PLXNC1: variants seen among roughly 807,000 people sequenced by gnomAD.
PLXNC1 encodes plexin C1.
PLXNC1 carries 75 observed loss-of-function variants against 178.2 expected under a neutral mutation model. The observed-to-expected ratio is 0.42, with a 90% CI of 0.35 to 0.51. The LOEUF is 0.51. PLXNC1 is among the 20% of genes least tolerant of loss of function. The pLI, the probability that PLXNC1 is intolerant of heterozygous loss-of-function variation, is 0.02. For synonymous variants in PLXNC1, 790 were observed against 779.9 expected (o/e 1.01, Z -0.22); for missense variants, 1,503 against 1,984.4 (o/e 0.76, Z 4.61).
At chr12:94,294,141 G>C (rs1042381126) in intron 23 of PLXNC1, among the ~76,000 whole-genome samples, 1 of 152,128 alleles carries the variant, frequency 6.6e-6, no homozygotes, top group Admixed American at 6.5e-5. Flanking sequence ...CTGCGAATTG[G>C]GGGGAATGTC....
intron 9 of PLXNC1, among the ~76,000 whole-genome samples, chr12:94,234,653 A>G (rs1446703653): frequency 6.6e-6 from 1 of 152,212 alleles, no homozygotes; most frequent in Non-Finnish European, 1.5e-5. Flanking sequence ...ATACATAGAA[A>G]TCCTTGGACA....
At chr12:94,153,864 CAT>C (rs1396485003) in intron 1 of PLXNC1, among the ~76,000 whole-genome samples, 1 of 152,232 alleles carries the variant, frequency 6.6e-6, no homozygotes. Flanking sequence ...ACCCAAGGAA[CAT>C]GTGTGGAGAA....
At chr12:94,169,969 T>TA (rs1961778725) in intron 2 of PLXNC1, among the ~76,000 whole-genome samples, 1 of 152,218 alleles carries the variant, frequency 6.6e-6, no homozygotes, top group African/African-American at 2.4e-5. Context: ...AAATGACTTG[T>TA]CTGAAGTTAT....
At chr12:94,224,170 C>T in intron 6 of PLXNC1, 58 bp from the exon 7 acceptor site, 1 of 979,748 alleles carries the variant, frequency 1.0e-6, no homozygotes, top group South Asian at 1.3e-5. Flanking sequence ...GCATTTACAG[C>T]TATGCTTGAC....
chr12:94,191,167 G>A (rs1449369761), intron 4 of PLXNC1, among the ~76,000 whole-genome samples: 3 of 152,168 alleles, frequency 2.0e-5, no homozygotes, highest in South Asian at 2.1e-4. Context: ...GTCATGGAGC[G>A]ATGGCCCTTC....
At chr12:94,262,207 T>C (rs1304278904) in intron 20 of PLXNC1, among the ~76,000 whole-genome samples, 3 of 152,090 alleles carry the variant, frequency 2.0e-5, no homozygotes, top group Non-Finnish European at 4.4e-5. Context: ...CCTGGGATAG[T>C]AGAGAGAGCA....
At chr12:94,284,806 G>A (rs1293559823) in intron 23 of PLXNC1, among the ~76,000 whole-genome samples, 1 of 152,174 alleles carries the variant, frequency 6.6e-6, no homozygotes, top group Non-Finnish European at 1.5e-5. Context: ...GATGGGGGCA[G>A]CCTCTTCAGG....
chr12:94,305,470 T>A lies in PLXNC1; in HGVS notation c.*185T>A. The stretch of plus-strand genomic sequence containing the variant: ...AAGCATACCAACCCTTGTGCCTGTG[T>A]GTATACCGTGGGAACCCTTCTGTAA... On this transcript the variant is annotated 3_prime_UTR_variant, in exon 31 of 31. Transcript: ENST00000258526. 1 of 550,770 alleles carries A rather than the reference T, an allele frequency of 1.8e-6. No homozygotes were observed. Among genetic ancestry groups the A allele is most frequent in the East Asian group, 2.9e-5 (1 of 33,926 alleles). 34.1% of individuals were successfully genotyped at this position (550,770 alleles called of 1,614,324 possible). A position where few individuals can be genotyped will look rare whatever the true frequency, so the allele number is the denominator to read the frequency against.
At chr12:94,285,349 G>A (rs1170452138) in intron 23 of PLXNC1, among the ~76,000 whole-genome samples, 1 of 152,240 alleles carries the variant, frequency 6.6e-6, no homozygotes, top group African/African-American at 2.4e-5. Flanking sequence ...GCCAGGGACA[G>A]AGAACACCCA....
intron 5 of PLXNC1, among the ~76,000 whole-genome samples, chr12:94,217,453 C>A (rs1157484731): frequency 6.6e-6 from 1 of 152,198 alleles, no homozygotes. Flanking sequence ...TTATCCCCAC[C>A]CCAGATTGAT....
intron 21 of PLXNC1, among the ~76,000 whole-genome samples, chr12:94,266,604 A>C (rs563124828): frequency 6.6e-6 from 1 of 152,312 alleles, no homozygotes; most frequent in African/African-American, 2.4e-5. Flanking sequence ...TAGAGTGGTT[A>C]ACAGCATGGA....
rs1565874745 is a variant in PLXNC1 at position 94,300,976 on chromosome 12, ACCACATATAGACGG to A, written c.4307_4320del (p.Pro1436LeufsTer27). 1 of 1,613,858 alleles carries A rather than the reference ACCACATATAGACGG, an allele frequency of 6.2e-7. No homozygotes were observed. The highest frequency in any genetic ancestry group is 1.3e-5 in the African/African-American group (1 of 75,042). ...AGTTTGTCTTTGACATTAAGAAGAC[ACCACATATAGACGG>A]CTGTTTGTCAGTGATTGCCCAGGCA... On this transcript the variant is annotated frameshift_variant, in exon 28 of 31. Transcript: ENST00000258526. LOFTEE classifies it high-confidence loss of function.
intron 11 of PLXNC1, among the ~76,000 whole-genome samples, chr12:94,241,134 T>C (rs556554949): frequency 6.6e-6 from 1 of 152,290 alleles, no homozygotes; most frequent in South Asian, 2.1e-4. Flanking sequence ...AAATAAACTC[T>C]CCCAGATAAA....
At chr12:94,170,737 A>C (rs1003036149) in intron 2 of PLXNC1, among the ~76,000 whole-genome samples, 2 of 151,236 alleles carry the variant, frequency 1.3e-5, no homozygotes, top group Non-Finnish European at 3.0e-5. Context: ...CATTTGATTT[A>C]ATCTGTTTTC....
Position 94,237,801 on chromosome 12 carries a change from T to C in PLXNC1, c.2118T>C (p.Asp706=). Residue 706 remains aspartate, a splice_region_variant and synonymous_variant, in exon 10 of 31, where the codon GAT becomes GAC. Coordinates refer to ENST00000258526, the MANE Select transcript of PLXNC1 (RefSeq NM_005761.3). ...AAGGAACCAGTACCTGTGATAAGGA[T>C]GTGTGAGTCGAAATACTAATAATTT... is the stretch of plus-strand genomic sequence containing the variant. ...ILKGTSTCDK[D]VIQVSHVLND... is the part of the protein sequence containing the mutation. 6.2e-7 allele frequency: 1 copy of C among 1,613,190 alleles called. No individual in the cohort carries two copies. Among genetic ancestry groups the C allele is most frequent in the Non-Finnish European group, 8.5e-7 (1 of 1,179,804 alleles).
chr12:94,298,216 A>G (rs1251139169), intron 26 of PLXNC1, among the ~76,000 whole-genome samples: 2 of 152,250 alleles, frequency 1.3e-5, no homozygotes, highest in Admixed American at 6.5e-5. Context: ...ATAAAACTTT[A>G]TGATAGAAAT....
intron 21 of PLXNC1, among the ~76,000 whole-genome samples, chr12:94,279,141 A>G (rs1433537989): frequency 6.6e-6 from 1 of 152,214 alleles, no homozygotes; most frequent in African/African-American, 2.4e-5. Context: ...GAACCCTTCC[A>G]ATTCTTTTTT....
At chr12:94,214,921 A>C (rs1022020614) in intron 5 of PLXNC1, among the ~76,000 whole-genome samples, 5 of 151,938 alleles carry the variant, frequency 3.3e-5, no homozygotes, top group African/African-American at 1.2e-4. Flanking sequence ...TTTGAGACAA[A>C]GTTTCACTCT....
In PLXNC1 at chr12:94,255,288, T is replaced by G; in HGVS notation, c.3079T>G (p.Phe1027Val). The G allele has an allele frequency of 6.3e-7, 1 of 1,596,594 alleles. No individual in the cohort carries two copies. Among genetic ancestry groups the G allele is most frequent in the Non-Finnish European group, 8.6e-7 (1 of 1,163,996 alleles). ...DYKHFALRTF[F>V]PESGGFTHIF... ...CAAACATTTTGCTCTGAGAACTTTC[T>G]TCCCTGAGGTAAAAGAGCATTGATC... The change falls in exon 17 of 31, where the codon TTC (phenylalanine) becomes GTC (valine). Residue 1027 changes from phenylalanine (F) to valine (V), a missense_variant. Coordinates refer to ENST00000258526, the MANE Select transcript of PLXNC1 (RefSeq NM_005761.3).
Sources: allele counts gnomAD v4.1 joint callset (sites outside exome capture counted in the v4.1 genomes callset), GRCh38; gene constraint gnomAD v4.1.1; transcripts MANE v1.5; gene names NCBI Gene and HGNC (gene_info 2026-07-23, HGNC 2026-07-21).